The following TICAM1 variants were observed in gnomAD, a reference collection of about 807,000 sequenced individuals.
The protein encoded by TICAM1 is TIR domain containing adaptor molecule 1.
For missense variants in TICAM1, 895 were observed against 938.2 expected (o/e 0.95, Z 0.60); for synonymous variants, 439 against 415.4 (o/e 1.06, Z -0.69).
chr19:4,830,180 C>T (rs563332963), intron 1 of TICAM1, among the ~76,000 whole-genome samples: 49 of 150,910 alleles, frequency 3.2e-4, no homozygotes, highest in Non-Finnish European at 5.7e-4. Context: ...CTTGAACTCC[C>T]GGGTTCAAGT....
intron 1 of TICAM1, among the ~76,000 whole-genome samples, chr19:4,827,698 C>T (rs1233586637): frequency 6.7e-6 from 1 of 148,760 alleles, no homozygotes; most frequent in Non-Finnish European, 1.5e-5. Flanking sequence ...GCGGAGCTTG[C>T]AGCGAGCCGA....
At chr19:4,822,581 A>G (rs554508802) in intron 1 of TICAM1, among the ~76,000 whole-genome samples, 2 of 152,312 alleles carry the variant, frequency 1.3e-5, no homozygotes, top group Non-Finnish European at 2.9e-5. Flanking sequence ...CAACACAGAC[A>G]TCCTCACTCA....
intron 1 of TICAM1, among the ~76,000 whole-genome samples, chr19:4,829,810 T>C (rs1354010837): frequency 1.5e-3 from 208 of 138,902 alleles, no homozygotes; most frequent in African/African-American, 5.0e-3. Context: ...CATTTCTTTT[T>C]TTTTTTTTTT....
At chr19:4,827,789 G>A (rs2146181542) in intron 1 of TICAM1, among the ~76,000 whole-genome samples, 1 of 151,676 alleles carries the variant, frequency 6.6e-6, no homozygotes. Context: ...CTATATTCAG[G>A]TGGGACCACA....
intron 1 of TICAM1, among the ~76,000 whole-genome samples, chr19:4,827,466 T>C (rs2093607482): frequency 7.8e-6 from 1 of 128,644 alleles, no homozygotes. Flanking sequence ...GGGATAAAAA[T>C]GAAAATGGGC....
In TICAM1 at chr19:4,818,854, A is replaced by C. The variant is rs780230477; in HGVS notation, c.-139-338T>G. Among the ~76,000 whole-genome samples the C allele has an allele frequency of 1.3e-5, 2 of 152,090 alleles. No individual in the cohort carries two copies. Among genetic ancestry groups the C allele is most frequent in the Non-Finnish European group, 2.9e-5 (2 of 68,020 alleles). ...GCTGGGTGAGGGGGCTTAAGCCTGT[A>C]ATCCCAGCAGTTGTGGAGGCCGAGG... On this transcript the variant is annotated intron_variant, in intron 1 of 1. Transcript: ENST00000248244. The surrounding 1 kb of genome is among the most constrained non-coding windows in gnomAD (Gnocchi z 4.0).
intron 1 of TICAM1, among the ~76,000 whole-genome samples, chr19:4,829,811 T>TG (rs1247657654): frequency 7.2e-6 from 1 of 139,854 alleles, no homozygotes; most frequent in African/African-American, 2.7e-5. Flanking sequence ...ATTTCTTTTT[T>TG]TTTTTTTTTT....
In TICAM1 at chr19:4,817,348, G is replaced by C. The variant is rs770773137; in HGVS notation, c.1030C>G (p.Pro344Ala). The change falls in exon 2 of 2, where the codon CCA becomes GCA. Residue 344 changes from proline (P) to alanine (A), a missense_variant. By Grantham distance (27) the Pro-to-Ala change is conservative (BLOSUM62 -1). Transcript: ENST00000248244. This position sits in a 1 kb window ranked among gnomAD's most constrained non-coding sequence, Gnocchi z 4.7. ...GTAGGTGGGCACGGCTTGGTATTTG[G>C]AGAGGTGGTATCTTCTACAGAAAGT... The part of the protein sequence containing the change: ...LQLSVEDTTS[P>A]NTKPCPPTPT... 4 of 1,613,770 alleles carry C rather than the reference G, an allele frequency of 2.5e-6. No homozygotes were observed. The highest frequency in any genetic ancestry group is 2.5e-6 in the Non-Finnish European group (3 of 1,180,042).
chr19:4,816,800 G>A lies in TICAM1; in HGVS notation c.1578C>T (p.Asn526=). The change falls in exon 2 of 2, where the codon AAC becomes AAT. Residue 526 remains asparagine, a synonymous_variant. Transcript: ENST00000248244. The surrounding 1 kb of genome is among the most constrained non-coding windows in gnomAD (Gnocchi z 4.3). ...CCTGAAGCCTGTGGGGCTTGAAGGT[G>A]TTGGCCACCTTCCTGGCGAAGATCT... ...HSQIFARKVA[N]TFKPHRLQAR... 1 of 1,613,252 alleles carries A rather than the reference G, an allele frequency of 6.2e-7. No homozygotes were observed. The highest frequency in any genetic ancestry group is 2.2e-5 in the East Asian group (1 of 44,870).
intron 1 of TICAM1, among the ~76,000 whole-genome samples, chr19:4,830,005 T>TCAAGTGA (rs2093611647): frequency 1.3e-5 from 2 of 151,036 alleles, no homozygotes; most frequent in African/African-American, 4.9e-5. Flanking sequence ...GAGACAGGGT[T>TCAAGTGA]TCGCCATGTT....
intron 1 of TICAM1, among the ~76,000 whole-genome samples, chr19:4,825,077 C>T (rs542542743): frequency 1.3e-5 from 2 of 151,956 alleles, no homozygotes; most frequent in Non-Finnish European, 2.9e-5. Flanking sequence ...CTCAGGAGTT[C>T]GAGACCAGCC....
At chr19:4,823,067 C>T (rs2093600263) in intron 1 of TICAM1, among the ~76,000 whole-genome samples, 2 of 152,126 alleles carry the variant, frequency 1.3e-5, no homozygotes, top group African/African-American at 4.8e-5. Context: ...TGCCTGTAAT[C>T]CCAGCAATTT....
At chr19:4,830,604 G>C (rs184108076) in intron 1 of TICAM1, among the ~76,000 whole-genome samples, 3 of 152,292 alleles carry the variant, frequency 2.0e-5, no homozygotes. Context: ...TGCATATCAA[G>C]GCAGGCACAT....
Position 4,817,923 on chromosome 19 carries a change from G to A in TICAM1, c.455C>T (p.Pro152Leu). The change falls in exon 2 of 2, where the codon CCA becomes CTA. Residue 152 changes from proline to leucine, a missense_variant. Pro to Leu is a moderately conservative substitution (Grantham distance 98). Transcript: ENST00000248244. The surrounding 1 kb of genome is among the most constrained non-coding windows in gnomAD (Gnocchi z 4.7). ...NRCGWDIAGD[P>L]GSIRTLQSNL... is the part of the protein sequence containing the mutation. The stretch of plus-strand genomic sequence containing the variant: ...GGACTGGAGCGTCCGGATGCTCCCT[G>A]GATCCCCAGCAATGTCCCACCCACA... The A allele has an allele frequency of 1.2e-6, 2 of 1,613,926 alleles. No homozygotes were observed. The highest frequency in any genetic ancestry group is 8.5e-7 in the Non-Finnish European group (1 of 1,179,984).
Position 4,822,909 on chromosome 19 carries a change from C to G in TICAM1, c.-139-4393G>C, listed in dbSNP as rs560678650. ...GTTCAATCGTGTCTCTCCCCAAAATCATATGTTGAAGTGCCAACCTCCAGT... is the reference window on the plus strand; with the variant it reads ...GTTCAATCGTGTCTCTCCCCAAAATGATATGTTGAAGTGCCAACCTCCAGT... On this transcript the variant is annotated intron_variant, in intron 1 of 1. Transcript: ENST00000248244. Among the ~76,000 whole-genome samples, 5 of 152,294 alleles carry G rather than the reference C, an allele frequency of 3.3e-5. No homozygotes were observed. The South Asian group carries it at 1.0e-3, about 32-fold the overall frequency.
chr19:4,828,214 C>A (rs530567287), intron 1 of TICAM1, among the ~76,000 whole-genome samples: 4 of 149,922 alleles, frequency 2.7e-5, no homozygotes, highest in African/African-American at 7.4e-5. Flanking sequence ...TCCCGGGTTC[C>A]CACCGTTCTC....
rs141687483 is a variant in TICAM1, at chr19:4,818,109, G to T, written c.269C>A (p.Pro90Gln). Residue 90 changes from proline (P) to glutamine (Q), a missense_variant, in exon 2 of 2, where the codon CCA (proline) becomes CAA (glutamine). Physicochemically the swap from Pro to Gln is moderately conservative, Grantham distance 76 (BLOSUM62 -1). Transcript: ENST00000248244. This position sits in a 1 kb window ranked among gnomAD's most constrained non-coding sequence, Gnocchi z 4.0. ...VDSTEDPEEP[P>Q]DVSWAVARLY... ...GCGGGCCACAGCCCAGGACACATCT[G>T]GGGGCTCCTCTGGGTCCTCGGTGCT... 38 of 1,608,084 alleles carry T rather than the reference G, an allele frequency of 2.4e-5. No individual in the cohort carries two copies. The African/African-American group carries it at 4.3e-4, about 18-fold the overall frequency.
chr19:4,826,240 G>T (rs1487905535), intron 1 of TICAM1, among the ~76,000 whole-genome samples: 1 of 151,524 alleles, frequency 6.6e-6, no homozygotes, highest in East Asian at 1.9e-4. Context: ...TGGGTATATT[G>T]AGTTAAATAA....
rs932773755 is a variant in TICAM1, at chr19:4,816,083, C to G, written c.*156G>C. On this transcript the variant is annotated 3_prime_UTR_variant, in exon 2 of 2. Coordinates refer to ENST00000248244, the MANE Select transcript of TICAM1 (RefSeq NM_182919.4). This position sits in a 1 kb window ranked among gnomAD's most constrained non-coding sequence, Gnocchi z 4.3. ...CAGGGCATCATCGCGCCCGTTTTGT[C>G]CTAAATGAAGGGCTCCCGGACAATG... The G allele has an allele frequency of 1.8e-5, 22 of 1,203,886 alleles. No individual in the cohort carries two copies. Among genetic ancestry groups the G allele is most frequent in the Non-Finnish European group, 2.2e-5 (21 of 948,836 alleles). The allele number at this position is 1,203,886 out of a possible 1,614,324, so 74.6% of individuals were successfully genotyped here.
Sources: allele counts gnomAD v4.1 joint callset (sites outside exome capture counted in the v4.1 genomes callset), GRCh38; gene constraint gnomAD v4.1.1; non-coding constraint Gnocchi (gnomAD v3.1); transcripts MANE v1.5; gene names NCBI Gene and HGNC (gene_info 2026-07-23, HGNC 2026-07-21).